WWOX: variants seen among roughly 807,000 people sequenced by gnomAD.
WWOX encodes the protein WW domain containing oxidoreductase.
Under a neutral mutation model 46.2 loss-of-function variants are expected in WWOX, and 69 were observed. That is an observed-to-expected ratio of 1.49 (90% CI 1.23 to 1.82). The LOEUF is 1.82. WWOX is among the 40% of genes most tolerant of loss of function. WWOX has a pLI of 0.00. For synonymous variants in WWOX, 359 were observed against 202.6 expected (o/e 1.77, Z -6.56); for missense variants, 919 against 542.6 (o/e 1.69, Z -6.89).
intron 8 of WWOX, among the ~76,000 whole-genome samples, chr16:78,505,801 C>T (rs1457431905): frequency 2.0e-5 from 3 of 148,888 alleles, no homozygotes; most frequent in African/African-American, 7.4e-5. Context: ...CCACATACTA[C>T]ACTTTAAAAA....
intron 8 of WWOX, among the ~76,000 whole-genome samples, chr16:79,119,838 G>A (rs2049592249): frequency 6.6e-6 from 1 of 152,210 alleles, no homozygotes; most frequent in African/African-American, 2.4e-5. Flanking sequence ...AAGAGACCCA[G>A]AGCCAGCAAA....
At chr16:79,087,930 C>T (rs913634703) in intron 8 of WWOX, among the ~76,000 whole-genome samples, 7 of 152,134 alleles carry the variant, frequency 4.6e-5, no homozygotes, top group African/African-American at 1.7e-4. Context: ...GGACCCTTGG[C>T]AGGAGGCATT....
intron 8 of WWOX, among the ~76,000 whole-genome samples, chr16:78,538,019 TGA>T (rs2043801035): frequency 6.6e-6 from 1 of 152,044 alleles, no homozygotes; most frequent in African/African-American, 2.4e-5. Context: ...AGATGAGGGT[TGA>T]ATTATAGGGC....
At chr16:78,272,307 A>G (rs1217105317) in intron 5 of WWOX, among the ~76,000 whole-genome samples, 3 of 151,820 alleles carry the variant, frequency 2.0e-5, no homozygotes, top group Non-Finnish European at 4.4e-5. Context: ...TGCTTGGCTC[A>G]GCTGAGGGAC....
At chr16:78,906,262 A>T (rs759700244) in intron 8 of WWOX, among the ~76,000 whole-genome samples, 6 of 152,226 alleles carry the variant, frequency 3.9e-5, no homozygotes, top group Non-Finnish European at 8.8e-5. Context: ...ACAAGGAAGA[A>T]GTAGGAGGCA....
chr16:78,134,893 C>T (rs763111615), intron 4 of WWOX, among the ~76,000 whole-genome samples: 12 of 152,218 alleles, frequency 7.9e-5, no homozygotes, highest in East Asian at 1.9e-4. Flanking sequence ...TGGATAGATA[C>T]GCAAGAGAGA....
intron 8 of WWOX, among the ~76,000 whole-genome samples, chr16:78,900,926 G>A (rs1284409765): frequency 1.3e-5 from 2 of 150,894 alleles, no homozygotes; most frequent in East Asian, 3.9e-4. Flanking sequence ...TCTCTTTAAT[G>A]TTCTATTCCC....
intron 8 of WWOX, among the ~76,000 whole-genome samples, chr16:78,686,349 A>C (rs1397238762): frequency 6.6e-6 from 1 of 152,056 alleles, no homozygotes; most frequent in Non-Finnish European, 1.5e-5. Context: ...GCCTCTACTA[A>C]AAATACAAAA....
At chr16:78,623,828 C>T (rs2046245867) in intron 8 of WWOX, among the ~76,000 whole-genome samples, 1 of 151,878 alleles carries the variant, frequency 6.6e-6, no homozygotes, top group Admixed American at 6.6e-5. Flanking sequence ...ACATACATTA[C>T]TGGGATTCAT....
At chr16:78,263,838 A>G (rs2079300891) in intron 5 of WWOX, among the ~76,000 whole-genome samples, 1 of 152,114 alleles carries the variant, frequency 6.6e-6, no homozygotes, top group Non-Finnish European at 1.5e-5. Flanking sequence ...CTCAGGCTCT[A>G]GAAGTCTCTG....
intron 8 of WWOX, among the ~76,000 whole-genome samples, chr16:78,930,237 T>TCCTTCCTTCCTG (rs2045591230): frequency 8.1e-6 from 1 of 122,968 alleles, no homozygotes; most frequent in East Asian, 2.1e-4. Context: ...CTTCCTTCCT[T>TCCTTCCTTCCTG]CCTTCCTTCC....
intron 8 of WWOX, among the ~76,000 whole-genome samples, chr16:78,856,795 A>G (rs748096226): frequency 2.6e-5 from 4 of 152,234 alleles, no homozygotes; most frequent in Non-Finnish European, 5.9e-5. Context: ...ATTTACATAT[A>G]CAGTCATCAT....
At chr16:79,116,219 T>G (rs1471211651) in intron 8 of WWOX, among the ~76,000 whole-genome samples, 8 of 152,164 alleles carry the variant, frequency 5.3e-5, no homozygotes, top group African/African-American at 1.4e-4. Flanking sequence ...TGCTGAAGGT[T>G]GGGGTGGCTG....
Position 78,157,308 on chromosome 16 carries a change from G to T in WWOX, c.410-6875G>T, listed in dbSNP as rs541027950. On this transcript the variant is annotated intron_variant, in intron 4 of 8. Coordinates refer to ENST00000566780, the MANE Select transcript of WWOX (RefSeq NM_016373.4). ...CAGATCAGTCAGCAAGACTTTGTTC[G>T]GTGCCTGCCCCCAGCCAGCTGGGCT... Among the ~76,000 whole-genome samples the T allele has an allele frequency of 1.4e-3, 208 of 152,194 alleles. 1 individual carries two copies. The highest frequency in any genetic ancestry group is 4.0e-3 in the South Asian group (19 of 4,808).
intron 5 of WWOX, among the ~76,000 whole-genome samples, chr16:78,262,928 T>A (rs1360461418): frequency 6.6e-6 from 1 of 152,196 alleles, no homozygotes; most frequent in African/African-American, 2.4e-5. Flanking sequence ...TTTGAAACAC[T>A]ATCAAACAAC....
intron 8 of WWOX, among the ~76,000 whole-genome samples, chr16:78,923,047 T>C (rs1247216583): frequency 2.0e-5 from 3 of 150,198 alleles, no homozygotes; most frequent in East Asian, 2.0e-4. Flanking sequence ...AATGGCGCAA[T>C]GTTGGTCCAC....
intron 8 of WWOX, among the ~76,000 whole-genome samples, chr16:79,137,316 A>G (rs1402162504): frequency 6.6e-6 from 1 of 152,240 alleles, no homozygotes; most frequent in East Asian, 1.9e-4. Flanking sequence ...GGAGCTTGAC[A>G]ATCTTGGCAA....
chr16:78,323,849 C>G (rs780934587), intron 5 of WWOX, among the ~76,000 whole-genome samples: 2 of 152,096 alleles, frequency 1.3e-5, no homozygotes, highest in East Asian at 1.9e-4. Flanking sequence ...GGATAGGAAC[C>G]CAGTGCATGC....
At chr16:79,053,046 T>G (rs2048199043) in intron 8 of WWOX, among the ~76,000 whole-genome samples, 1 of 151,990 alleles carries the variant, frequency 6.6e-6, no homozygotes, top group Non-Finnish European at 1.5e-5. Context: ...GCAAAGTAAT[T>G]AGATGCCCTT....
Sources: allele counts gnomAD v4.1 joint callset (sites outside exome capture counted in the v4.1 genomes callset), GRCh38; gene constraint gnomAD v4.1.1; transcripts MANE v1.5; gene names NCBI Gene and HGNC (gene_info 2026-07-23, HGNC 2026-07-21).